The following UVRAG variants were observed in gnomAD, a reference collection of about 807,000 sequenced individuals.
UVRAG encodes the protein UV radiation resistance-associated gene protein.
UVRAG carries 19 observed loss-of-function variants against 78.0 expected under a neutral mutation model. The ratio of observed to expected loss-of-function variants is 0.24; its 90% confidence interval spans 0.17 to 0.36. UVRAG has a LOEUF of 0.36. Among genes scored for constraint, UVRAG ranks in the 10% least tolerant of loss-of-function variants. The probability of loss-of-function intolerance (pLI) is 1.00; values close to 1 mark genes in which losing one functional copy is unlikely to be tolerated. For missense variants in UVRAG, 740 were observed against 853.8 expected (o/e 0.87, Z 1.66); for synonymous variants, 323 against 324.6 (o/e 1.00, Z 0.05).
intron 5 of UVRAG, among the ~76,000 whole-genome samples, chr11:75,910,339 T>C (rs973390652): frequency 4.6e-5 from 7 of 152,166 alleles, no homozygotes; most frequent in African/African-American, 1.7e-4. Context: ...GTTACTATTA[T>C]CATCTCCATA....
At chr11:75,954,080 A>G (rs373057183) in intron 6 of UVRAG, among the ~76,000 whole-genome samples, 1 of 152,004 alleles carries the variant, frequency 6.6e-6, no homozygotes, top group African/African-American at 2.4e-5. Flanking sequence ...GTCCCATGTT[A>G]TTTTTCAAAG....
chr11:75,885,538 C>A (rs898779637), intron 4 of UVRAG, among the ~76,000 whole-genome samples: 1 of 152,086 alleles, frequency 6.6e-6, no homozygotes, highest in Admixed American at 6.5e-5. Flanking sequence ...TTAGTTGTTT[C>A]ATTGCTCAGA....
At chr11:75,954,461 C>T (rs1948757568) in intron 6 of UVRAG, among the ~76,000 whole-genome samples, 1 of 152,082 alleles carries the variant, frequency 6.6e-6, no homozygotes, top group African/African-American at 2.4e-5. Flanking sequence ...TTTTAGAATT[C>T]TGATAACATT....
intron 5 of UVRAG, among the ~76,000 whole-genome samples, chr11:75,897,438 CA>C (rs1191064212): frequency 2.0e-5 from 3 of 152,166 alleles, no homozygotes; most frequent in Non-Finnish European, 4.4e-5. Context: ...AACTGACGTT[CA>C]GGGGGCTCAT....
At chr11:76,079,772 G>C (rs1043985721) in intron 13 of UVRAG, among the ~76,000 whole-genome samples, 9 of 152,070 alleles carry the variant, frequency 5.9e-5, no homozygotes, top group African/African-American at 1.7e-4. Flanking sequence ...AGTTCATCTT[G>C]GGAACTCTAG....
At chr11:76,097,660 A>G (rs939474817) in intron 13 of UVRAG, among the ~76,000 whole-genome samples, 3 of 152,068 alleles carry the variant, frequency 2.0e-5, no homozygotes, top group South Asian at 2.1e-4. Flanking sequence ...TTGTTACCTC[A>G]TAGAAGGGGT....
At chr11:75,844,144 T>TAAACA (rs1348806522) in intron 1 of UVRAG, among the ~76,000 whole-genome samples, 4 of 152,088 alleles carry the variant, frequency 2.6e-5, no homozygotes, top group Admixed American at 1.3e-4. Context: ...TACAAGGCCA[T>TAAACA]AAACAAAACA....
chr11:75,877,930 TC>T (rs1404603669), intron 3 of UVRAG, among the ~76,000 whole-genome samples: 2 of 140,868 alleles, frequency 1.4e-5, no homozygotes, highest in African/African-American at 5.4e-5. Context: ...CCCACCTCCC[TC>T]CTGGACGGGG....
chr11:75,914,528 C>T (rs1043880660), intron 6 of UVRAG: 1 of 152,232 alleles, frequency 6.6e-6, no homozygotes, highest in Non-Finnish European at 1.5e-5. Flanking sequence ...GAGTTTCGCT[C>T]TGTCACCCAG....
At chr11:75,987,513 A>G (rs1949523780) in intron 8 of UVRAG, among the ~76,000 whole-genome samples, 1 of 152,160 alleles carries the variant, frequency 6.6e-6, no homozygotes, top group South Asian at 2.1e-4. Context: ...GTATGCCTTT[A>G]AAACTTTTTT....
chr11:75,874,476 A>G (rs941470416), intron 3 of UVRAG, among the ~76,000 whole-genome samples: 27 of 152,170 alleles, frequency 1.8e-4, no homozygotes, highest in African/African-American at 6.5e-4. Context: ...TTGTATATAC[A>G]ATTATGATGC....
intron 1 of UVRAG, among the ~76,000 whole-genome samples, chr11:75,844,622 AT>A (rs1376057330): frequency 6.6e-6 from 1 of 151,790 alleles, no homozygotes; most frequent in Non-Finnish European, 1.5e-5. Context: ...AATGAGTATG[AT>A]TGTGATACTA....
At chr11:76,006,254 T>C (rs368419939) in intron 9 of UVRAG, among the ~76,000 whole-genome samples, 30 of 152,332 alleles carry the variant, frequency 2.0e-4, no homozygotes, top group African/African-American at 7.0e-4. Context: ...TGTTATACTT[T>C]GATCTACAGT....
chr11:76,044,948 A>AG (rs35594777), intron 12 of UVRAG, among the ~76,000 whole-genome samples: 8 of 152,156 alleles, frequency 5.3e-5, no homozygotes, highest in African/African-American at 1.9e-4. Context: ...AGAGCTCGCA[A>AG]GGGGGAAGGT....
intron 12 of UVRAG, among the ~76,000 whole-genome samples, chr11:76,020,515 A>G (rs1043938218): frequency 6.6e-6 from 1 of 151,942 alleles, no homozygotes; most frequent in Non-Finnish European, 1.5e-5. Context: ...GCGTGGGTCT[A>G]GATATGTCAT....
intron 13 of UVRAG, among the ~76,000 whole-genome samples, chr11:76,103,464 A>G (rs1305981664): frequency 2.0e-5 from 3 of 151,996 alleles, no homozygotes. Flanking sequence ...ATGAATTGTG[A>G]GACAAAACAA....
chr11:75,896,884 G>A (rs1590989413), intron 5 of UVRAG, among the ~76,000 whole-genome samples: 1 of 152,166 alleles, frequency 6.6e-6, no homozygotes, highest in Non-Finnish European at 1.5e-5. Context: ...GTTGTTATAA[G>A]GCTGGAGTGA....
intron 12 of UVRAG, among the ~76,000 whole-genome samples, chr11:76,038,344 A>T (rs1161645306): frequency 1.3e-5 from 2 of 152,066 alleles, no homozygotes. Flanking sequence ...TTTCCTGGGG[A>T]CATGGTTTAT....
intron 6 of UVRAG, among the ~76,000 whole-genome samples, chr11:75,919,041 C>T (rs764199609): frequency 3.3e-5 from 5 of 152,130 alleles, no homozygotes; most frequent in South Asian, 2.1e-4. Context: ...TTCCCCTCCC[C>T]GCACTTTGCT....
Sources: gnomAD v4.1 joint callset for allele counts (sites outside exome capture counted in the v4.1 genomes callset) on GRCh38, gnomAD v4.1.1 for gene constraint, MANE v1.5 for transcripts, NCBI Gene and HGNC (gene_info 2026-07-23, HGNC 2026-07-21) for gene names.